The following CELF2 variants were observed in gnomAD, a reference collection of about 807,000 sequenced individuals.
CELF2 encodes CUG triplet repeat RNA-binding protein 2.
CELF2 carries 8 observed loss-of-function variants against 62.6 expected under a neutral mutation model. The observed-to-expected ratio is 0.13, with a 90% CI of 0.07 to 0.23. CELF2 has a LOEUF of 0.23. CELF2 is among the 10% of genes least tolerant of loss of function. The probability of loss-of-function intolerance (pLI) is 1.00; values close to 1 mark genes in which losing one functional copy is unlikely to be tolerated. For missense variants in CELF2, 333 were observed against 671.0 expected (o/e 0.50, Z 5.56); for synonymous variants, 258 against 250.0 (o/e 1.03, Z -0.30).
chr10:11,286,271 G>T (rs957927610), intron 8 of CELF2, among the ~76,000 whole-genome samples: 2 of 152,212 alleles, frequency 1.3e-5, no homozygotes, highest in African/African-American at 4.8e-5. Flanking sequence ...GGACCCGCTG[G>T]CCTAAGCCTA....
the CELF2 span, among the ~76,000 whole-genome samples, chr10:10,606,088 T>A: frequency 6.6e-6 from 1 of 152,190 alleles, no homozygotes; most frequent in Non-Finnish European, 1.5e-5. Context: ...GTCCCAACCC[T>A]TCGGTCTCCA....
At chr10:10,609,302 T>C in the CELF2 span, among the ~76,000 whole-genome samples, 5 of 152,196 alleles carry the variant, frequency 3.3e-5, no homozygotes, top group African/African-American at 1.2e-4. Flanking sequence ...ACTACCATCA[T>C]CAATTTGCTT....
chr10:10,893,372 G>A (rs2062292291), intron 1 of CELF2, among the ~76,000 whole-genome samples: 1 of 152,170 alleles, frequency 6.6e-6, no homozygotes, highest in Non-Finnish European at 1.5e-5. Flanking sequence ...CATCCAAGTG[G>A]TTTCCAGATC....
chr10:10,758,388 C>T, the CELF2 span, among the ~76,000 whole-genome samples: 1 of 152,158 alleles, frequency 6.6e-6, no homozygotes, highest in Non-Finnish European at 1.5e-5. Context: ...ATCAGCACTA[C>T]GACTCTTTGG....
Position 10,957,019 on chromosome 10 carries a change from C to T in CELF2, c.89+37020C>T, listed in dbSNP as rs543197585. The stretch of plus-strand genomic sequence containing the variant: ...TCCTCTTAGAATGAGCCTAACGCTG[C>T]TTCCTATAACTCCAATGAGTGGCCC... On this transcript the variant is annotated intron_variant, in intron 2 of 13. Transcript: ENST00000636488. This position sits in a 1 kb window ranked among gnomAD's most constrained non-coding sequence, Gnocchi z 4.1. Among the ~76,000 whole-genome samples the T allele has an allele frequency of 9.2e-5, 14 of 152,274 alleles. No individual in the cohort carries two copies. The highest frequency in any genetic ancestry group is 3.4e-3 in the Middle Eastern group (1 of 294).
At chr10:10,582,201 T>C in the CELF2 span, among the ~76,000 whole-genome samples, 1 of 152,232 alleles carries the variant, frequency 6.6e-6, no homozygotes, top group Non-Finnish European at 1.5e-5. Flanking sequence ...TGGCCCGCAC[T>C]TGTGAATCCC....
chr10:11,184,582 G>A lies in CELF2; in HGVS notation c.271+18900G>A, dbSNP rs529176362. Among the ~76,000 whole-genome samples the A allele has an allele frequency of 2.8e-4, 43 of 152,304 alleles. No individual in the cohort carries two copies. In the South Asian group the frequency reaches 7.2e-3, roughly 26 times the overall value. ...GTCTTCTTTGATTTCTCTCACAAAT[G>A]TTTTGTGGTTTGCCATGAACAGGAC... On this transcript the variant is annotated intron_variant, in intron 2 of 12. Coordinates refer to ENST00000633077, the MANE Select transcript of CELF2 (RefSeq NM_001326342.2).
intron 1 of CELF2, among the ~76,000 whole-genome samples, 186 bp downstream of exon 1, chr10:11,018,349 G>C (rs1183928339): frequency 6.6e-6 from 1 of 151,660 alleles, no homozygotes; most frequent in Non-Finnish European, 1.5e-5. Context: ...GACGAGCAGC[G>C]CCGGCGGTGC....
At chr10:10,698,370 G>T in the CELF2 span, among the ~76,000 whole-genome samples, 2 of 152,042 alleles carry the variant, frequency 1.3e-5, no homozygotes, top group Non-Finnish European at 2.9e-5. Flanking sequence ...CCTTCATCTG[G>T]AACAAGTAAA....
chr10:10,557,514 C>T, the CELF2 span, among the ~76,000 whole-genome samples: 39 of 145,060 alleles, frequency 2.7e-4, no homozygotes, highest in Admixed American at 6.8e-4. Context: ...CTTGGCGATG[C>T]GAGCTCTTTT....
chr10:11,289,335 C>G (rs1361966125), intron 9 of CELF2, among the ~76,000 whole-genome samples: 1 of 152,148 alleles, frequency 6.6e-6, no homozygotes, highest in Admixed American at 6.5e-5. Context: ...AATCCCATGA[C>G]CCCCTATCAG....
the CELF2 span, among the ~76,000 whole-genome samples, chr10:10,693,120 C>T: frequency 1.2e-5 from 1 of 82,764 alleles, no homozygotes; most frequent in African/African-American, 4.7e-5. Flanking sequence ...AGTTTTTGCC[C>T]ATTCAGTATG....
At chr10:10,942,985 A>G (rs1253127844) in intron 2 of CELF2, among the ~76,000 whole-genome samples, 1 of 152,202 alleles carries the variant, frequency 6.6e-6, no homozygotes, top group Non-Finnish European at 1.5e-5. Flanking sequence ...AGGACCCACA[A>G]GTATTGAACT....
At chr10:10,516,637 A>G in the CELF2 span, among the ~76,000 whole-genome samples, 1 of 152,022 alleles carries the variant, frequency 6.6e-6, no homozygotes, top group South Asian at 2.1e-4. Context: ...TTTACTGGCA[A>G]AAGAATTGCT....
At chr10:10,589,930 A>G in the CELF2 span, among the ~76,000 whole-genome samples, 2 of 152,148 alleles carry the variant, frequency 1.3e-5, no homozygotes, top group Admixed American at 1.3e-4. Flanking sequence ...CCTTAAAACA[A>G]CCCTAAAGTA....
intron 2 of CELF2, among the ~76,000 whole-genome samples, chr10:11,167,201 A>G (rs2067479603): frequency 6.6e-6 from 1 of 152,246 alleles, no homozygotes; most frequent in African/African-American, 2.4e-5. Flanking sequence ...TTCCAAATGG[A>G]GAAGACTAGA....
chr10:10,787,135 A>C, the CELF2 span, among the ~76,000 whole-genome samples: 7 of 152,046 alleles, frequency 4.6e-5, no homozygotes, highest in Non-Finnish European at 1.0e-4. Context: ...TGTAATTATA[A>C]AGTGACATAT....
At chr10:10,611,549 C>G in the CELF2 span, among the ~76,000 whole-genome samples, 1 of 152,142 alleles carries the variant, frequency 6.6e-6, no homozygotes, top group East Asian at 1.9e-4. Context: ...CAAAACGTAA[C>G]TGAGATCATT....
chr10:11,326,079 C>G (rs531141299), intron 12 of CELF2, 100 bp downstream of exon 12: 11 of 1,196,708 alleles, frequency 9.2e-6, no homozygotes, highest in Non-Finnish European at 1.3e-5. Flanking sequence ...TAGGGCCTTC[C>G]CCACATTGTG....
Sources: allele counts gnomAD v4.1 joint callset (sites outside exome capture counted in the v4.1 genomes callset), GRCh38; gene constraint gnomAD v4.1.1; non-coding constraint Gnocchi (gnomAD v3.1); transcripts MANE v1.5; gene names NCBI Gene and HGNC (gene_info 2026-07-23, HGNC 2026-07-21).